SPOCK3: variants seen among roughly 807,000 people sequenced by gnomAD.
The protein encoded by SPOCK3 is SPARC (osteonectin), cwcv and kazal like domains proteoglycan 3, also known as testican-3.
A neutral mutation model predicts 56.6 loss-of-function variants in SPOCK3; 30 were observed. The ratio of observed to expected loss-of-function variants is 0.53; its 90% CI spans 0.40 to 0.72. The LOEUF is 0.72. Among genes scored for constraint, SPOCK3 ranks in the 30% least tolerant of loss-of-function variants. The probability of loss-of-function intolerance (pLI) is 0.00; values close to 1 mark genes in which losing one functional copy is unlikely to be tolerated. For synonymous variants in SPOCK3, 196 were observed against 183.3 expected, an observed-to-expected ratio of 1.07 and a Z score of -0.56; for missense variants, 527 against 530.0, an observed-to-expected ratio of 0.99 and a Z score of 0.06.
At chr4:167,221,325 A>C (rs1315327424) in intron 2 of SPOCK3, among the ~76,000 whole-genome samples, 11 of 152,112 alleles carry the variant, frequency 7.2e-5, no homozygotes, top group Admixed American at 6.6e-5. Context: ...CTATGATGAC[A>C]CCACTGCACT....
At chr4:167,204,775 G>C in intron 2 of SPOCK3, among the ~76,000 whole-genome samples, 1 of 151,426 alleles carries the variant, frequency 6.6e-6, no homozygotes, top group South Asian at 2.1e-4. Flanking sequence ...TTTCGGGGTG[G>C]GGGGCGACGG....
At chr4:166,846,029 A>G (rs1472130679) in intron 6 of SPOCK3, among the ~76,000 whole-genome samples, 1 of 152,170 alleles carries the variant, frequency 6.6e-6, no homozygotes, top group Non-Finnish European at 1.5e-5. Context: ...CTATTTGTGC[A>G]TCTAAACAAG....
At chr4:166,790,785 A>G (rs1267882852) in intron 7 of SPOCK3, among the ~76,000 whole-genome samples, 1 of 152,224 alleles carries the variant, frequency 6.6e-6, no homozygotes, top group Admixed American at 6.5e-5. Context: ...TAAAGGAGAA[A>G]TTTTAGCGCA....
intron 2 of SPOCK3, among the ~76,000 whole-genome samples, chr4:167,065,751 G>C (rs1756062834): frequency 1.3e-5 from 2 of 151,856 alleles, no homozygotes; most frequent in African/African-American, 2.4e-5. Flanking sequence ...AGAAATAAAA[G>C]TATTTTCACA....
intron 4 of SPOCK3, among the ~76,000 whole-genome samples, chr4:166,917,409 C>G (rs996937296): frequency 6.6e-6 from 1 of 151,996 alleles, no homozygotes. Context: ...GTAATCCCCA[C>G]GTGTCGAGGG....
chr4:167,134,186 G>C (rs1299545884), intron 2 of SPOCK3, among the ~76,000 whole-genome samples: 2 of 147,546 alleles, frequency 1.4e-5, no homozygotes, highest in South Asian at 4.2e-4. Context: ...GCGTCACTGA[G>C]CCTGGCTAGT....
At chr4:166,761,819 G>A (rs1313181257) in intron 7 of SPOCK3, among the ~76,000 whole-genome samples, 2 of 5,340 alleles carry the variant, frequency 3.7e-4, no homozygotes, top group African/African-American at 1.4e-3. Context: ...TGGGTGCAGC[G>A]CACCAGCATG....
At chr4:167,104,205 C>T (rs1233287598) in intron 2 of SPOCK3, among the ~76,000 whole-genome samples, 1 of 152,110 alleles carries the variant, frequency 6.6e-6, no homozygotes, top group African/African-American at 2.4e-5. Flanking sequence ...TCAAGACCAT[C>T]CAGGAAAATA....
intron 5 of SPOCK3, among the ~76,000 whole-genome samples, chr4:166,901,225 G>A (rs1715056855): frequency 6.6e-6 from 1 of 152,056 alleles, no homozygotes; most frequent in African/African-American, 2.4e-5. Context: ...GAAAAACCAA[G>A]ACAAATTAGG....
intron 6 of SPOCK3, among the ~76,000 whole-genome samples, chr4:166,869,483 G>A (rs1732227397): frequency 6.6e-6 from 1 of 152,038 alleles, no homozygotes; most frequent in Non-Finnish European, 1.5e-5. Flanking sequence ...ATATTTATAT[G>A]AAAGAAATGG....
chr4:166,738,079 A>T (rs1261297295), intron 9 of SPOCK3, among the ~76,000 whole-genome samples: 1 of 152,158 alleles, frequency 6.6e-6, no homozygotes, highest in Non-Finnish European at 1.5e-5. Flanking sequence ...TGTTTTTCCC[A>T]AATTCAATGC....
At chr4:166,906,570 G>T (rs2127075802) in intron 5 of SPOCK3, among the ~76,000 whole-genome samples, 1 of 149,418 alleles carries the variant, frequency 6.7e-6, no homozygotes, top group African/African-American at 2.5e-5. Context: ...AAATTTTAAA[G>T]CTTCTAGAAG....
intron 6 of SPOCK3, among the ~76,000 whole-genome samples, chr4:166,841,438 A>T (rs140535758): frequency 6.7e-6 from 1 of 148,842 alleles, no homozygotes. Flanking sequence ...AATTTCTTAA[A>T]GTAAGAAAAA....
intron 6 of SPOCK3, among the ~76,000 whole-genome samples, chr4:166,811,874 G>GA (rs1292589061): frequency 6.6e-6 from 1 of 151,640 alleles, no homozygotes; most frequent in Non-Finnish European, 1.5e-5. Context: ...AGTATTTTAG[G>GA]AAAATGTTTT....
chr4:167,009,904 A>T (rs550364685), intron 3 of SPOCK3, among the ~76,000 whole-genome samples: 14 of 152,048 alleles, frequency 9.2e-5, no homozygotes, highest in Non-Finnish European at 1.6e-4. Flanking sequence ...GATAATATGA[A>T]AAAAATTAAA....
intron 2 of SPOCK3, among the ~76,000 whole-genome samples, chr4:167,070,930 G>T (rs937885277): frequency 6.6e-6 from 1 of 151,954 alleles, no homozygotes; most frequent in Non-Finnish European, 1.5e-5. Flanking sequence ...TTTCCATGTT[G>T]TGTCTTAGAA....
intron 7 of SPOCK3, among the ~76,000 whole-genome samples, chr4:166,787,045 T>G (rs1481774141): frequency 6.6e-6 from 1 of 152,202 alleles, no homozygotes; most frequent in Non-Finnish European, 1.5e-5. Context: ...TCCACTTGTA[T>G]GCTAGTCTTT....
At chr4:166,950,477 T>A (rs1579767241) in intron 4 of SPOCK3, among the ~76,000 whole-genome samples, 3 of 151,576 alleles carry the variant, frequency 2.0e-5, no homozygotes, top group African/African-American at 4.9e-5. Flanking sequence ...CTCCCACACA[T>A]TAATAATGGG....
chr4:166,894,656 C>G (rs1735169675), intron 5 of SPOCK3, among the ~76,000 whole-genome samples: 1 of 152,068 alleles, frequency 6.6e-6, no homozygotes, highest in Non-Finnish European at 1.5e-5. Context: ...GTCATGTAGT[C>G]ACGAACAAGT....
Sources: gnomAD v4.1 joint callset for allele counts (sites outside exome capture counted in the v4.1 genomes callset) on GRCh38, gnomAD v4.1.1 for gene constraint, MANE v1.5 for transcripts, NCBI Gene and HGNC (gene_info 2026-07-23, HGNC 2026-07-21) for gene names.